The following MYO1E variants were observed in gnomAD, a reference collection of about 807,000 sequenced individuals.
MYO1E encodes unconventional myosin-Ie.
A neutral mutation model predicts 151.1 loss-of-function variants in MYO1E; 68 were observed. That is an observed-to-expected ratio of 0.45 (90% CI 0.37 to 0.55). The LOEUF is 0.55. MYO1E is among the 20% of genes least tolerant of loss of function. The pLI, the probability that MYO1E is intolerant of heterozygous loss-of-function variation, is 0.00. For missense variants in MYO1E, 1,363 were observed against 1,389.3 expected (o/e 0.98, Z 0.30); for synonymous variants, 601 against 501.7 (o/e 1.20, Z -2.64).
At chr15:59,279,560 T>C (rs2080341062) in intron 1 of MYO1E, among the ~76,000 whole-genome samples, 1 of 152,152 alleles carries the variant, frequency 6.6e-6, no homozygotes, top group Non-Finnish European at 1.5e-5. Context: ...AGTCAACCTC[T>C]TGGAGCCTGT....
chr15:59,282,470 T>C (rs564695661), intron 1 of MYO1E, among the ~76,000 whole-genome samples: 2 of 152,076 alleles, frequency 1.3e-5, no homozygotes, highest in Admixed American at 1.3e-4. Flanking sequence ...CCCGTAAGCA[T>C]TACCAAAACG....
At chr15:59,342,239 A>G (rs2080769974) in intron 1 of MYO1E, among the ~76,000 whole-genome samples, 2 of 152,306 alleles carry the variant, frequency 1.3e-5, no homozygotes, top group African/African-American at 4.8e-5. Flanking sequence ...TTTTTCCTAC[A>G]GAGTTATTTG....
At chr15:59,318,754 A>T (rs2080605612) in intron 1 of MYO1E, among the ~76,000 whole-genome samples, 1 of 152,178 alleles carries the variant, frequency 6.6e-6, no homozygotes, top group South Asian at 2.1e-4. Flanking sequence ...TGCACCAATT[A>T]ATTTAATCCT....
At chr15:59,356,284 T>G in intron 1 of MYO1E, among the ~76,000 whole-genome samples, 1 of 151,290 alleles carries the variant, frequency 6.6e-6, no homozygotes, top group Non-Finnish European at 1.5e-5. Flanking sequence ...GTCCTCACCA[T>G]TCCATCTTTC....
At chr15:59,245,318 TTAC>T (rs1464547352) in intron 4 of MYO1E, among the ~76,000 whole-genome samples, 1 of 152,176 alleles carries the variant, frequency 6.6e-6, no homozygotes, top group Non-Finnish European at 1.5e-5. Flanking sequence ...CCTTTTATCT[TTAC>T]TACTGCAAAA....
chr15:59,284,029 G>A (rs955700832), intron 1 of MYO1E, among the ~76,000 whole-genome samples: 1 of 152,204 alleles, frequency 6.6e-6, no homozygotes, highest in Non-Finnish European at 1.5e-5. Flanking sequence ...AGGAGCTCAC[G>A]GAGCAGCCTG....
chr15:59,147,718 G>C (rs1318203410), intron 26 of MYO1E, among the ~76,000 whole-genome samples: 1 of 151,946 alleles, frequency 6.6e-6, no homozygotes, highest in African/African-American at 2.4e-5. Flanking sequence ...CTCATGTCTA[G>C]TGATTATTAC....
intron 1 of MYO1E, among the ~76,000 whole-genome samples, chr15:59,367,885 T>C (rs2080923429): frequency 6.6e-6 from 1 of 152,086 alleles, no homozygotes; most frequent in South Asian, 2.1e-4. Context: ...TTTGGGAGGC[T>C]GAGGCGGGCA....
intron 22 of MYO1E, 151 bp downstream of exon 22, chr15:59,171,746 T>C: frequency 1.9e-6 from 2 of 1,073,914 alleles, no homozygotes; most frequent in Non-Finnish European, 2.8e-6. Flanking sequence ...TAGGGAGTCT[T>C]CCCTTTGGGA....
intron 25 of MYO1E, among the ~76,000 whole-genome samples, chr15:59,157,492 G>T (rs1252507836): frequency 1.3e-5 from 2 of 152,120 alleles, no homozygotes; most frequent in Non-Finnish European, 2.9e-5. Flanking sequence ...TTCCAGGAAT[G>T]AACAATTCCT....
intron 4 of MYO1E, among the ~76,000 whole-genome samples, chr15:59,254,508 G>A (rs1479296569): frequency 6.6e-6 from 1 of 152,134 alleles, no homozygotes; most frequent in Non-Finnish European, 1.5e-5. Flanking sequence ...CTACTGCCAT[G>A]CCCTGCCAGA....
chr15:59,179,460 G>T lies in MYO1E; in HGVS notation c.1905-923C>A, dbSNP rs1003074886. Among the ~76,000 whole-genome samples the T allele has an allele frequency of 2.0e-5, 3 of 152,142 alleles. No homozygotes were observed. In the South Asian group the frequency reaches 6.2e-4, roughly 32 times the overall value. Reference sequence around the variant, plus strand: ...ACATCCAGAGCCTTAAACCGTGCCTGGCACACAGCAGTCATAATGAACATT... The same window carrying T: ...ACATCCAGAGCCTTAAACCGTGCCTTGCACACAGCAGTCATAATGAACATT... On this transcript the variant is annotated intron_variant, in intron 18 of 27. Transcript: ENST00000288235.
chr15:59,208,724 T>C lies in MYO1E; in HGVS notation c.1487A>G (p.Asn496Ser). 1.2e-6 allele frequency: 2 copies of C among 1,614,228 alleles called. No homozygotes were observed. The highest frequency in any genetic ancestry group is 2.2e-5 in the East Asian group (1 of 44,890). ...AATGATGAAGCCTTGGTTCCAACTGTTGAAGTGCTCATGACTCCCAATCTG... is the reference window on the plus strand; with the variant it reads ...AATGATGAAGCCTTGGTTCCAACTGCTGAAGTGCTCATGACTCCCAATCTG... The part of the protein sequence containing the change: ...QMQIGSHEHF[N>S]SWNQGFIIHH... Residue 496 changes from asparagine to serine, a missense_variant, in exon 14 of 28, where the codon AAC (asparagine) becomes AGC (serine). By Grantham distance (46) the Asn-to-Ser change is conservative. Transcript: ENST00000288235.
At chr15:59,371,589 G>T (rs1337410254) in intron 1 of MYO1E, among the ~76,000 whole-genome samples, 1 of 152,118 alleles carries the variant, frequency 6.6e-6, no homozygotes, top group East Asian at 1.9e-4. Context: ...AGTTGGAATA[G>T]CAGAAAAGTC....
At position 59,350,492 on chromosome 15, in the gene MYO1E, T is replaced by C. The variant is rs1293746956; in HGVS notation, c.3+22006A>G. Among the ~76,000 whole-genome samples, 2 of 152,142 alleles carry C rather than the reference T, an allele frequency of 1.3e-5. No homozygotes were observed. Among genetic ancestry groups the C allele is most frequent in the Non-Finnish European group, 2.9e-5 (2 of 68,032 alleles). On this transcript the variant is annotated intron_variant, in intron 1 of 27. Coordinates refer to ENST00000288235, the MANE Select transcript of MYO1E (RefSeq NM_004998.4). This position sits in a 1 kb window ranked among gnomAD's most constrained non-coding sequence, Gnocchi z 5.0. ...AAACCAGAAAAGACACAGGAGAATG[T>C]AGTGTCTGCCCTCAGAGACTACATG... is the stretch of plus-strand genomic sequence containing the variant.
At chr15:59,239,307 A>G (rs1405209114) in intron 4 of MYO1E, among the ~76,000 whole-genome samples, 1 of 151,304 alleles carries the variant, frequency 6.6e-6, no homozygotes, top group African/African-American at 2.4e-5. Flanking sequence ...ACACCTCACA[A>G]TAATCACCAC....
chr15:59,275,002 G>T (rs1238562954), intron 1 of MYO1E, among the ~76,000 whole-genome samples: 1 of 152,198 alleles, frequency 6.6e-6, no homozygotes, highest in African/African-American at 2.4e-5. Flanking sequence ...TTTGTGGAGG[G>T]TGTTCTACTT....
intron 1 of MYO1E, among the ~76,000 whole-genome samples, chr15:59,326,500 C>A (rs961789449): frequency 1.3e-5 from 2 of 152,224 alleles, no homozygotes; most frequent in South Asian, 2.1e-4. Context: ...TCCAGCCTGG[C>A]GACAGAGCAA....
chr15:59,158,526 C>T, intron 24 of MYO1E, 147 bp from the exon 25 acceptor site: 1 of 693,080 alleles, frequency 1.4e-6, no homozygotes, highest in Non-Finnish European at 2.6e-6. Flanking sequence ...GGAGAAGGAG[C>T]CGTTGAGGGA....
Sources: allele counts gnomAD v4.1 joint callset (sites outside exome capture counted in the v4.1 genomes callset), GRCh38; gene constraint gnomAD v4.1.1; non-coding constraint Gnocchi (gnomAD v3.1); transcripts MANE v1.5; gene names NCBI Gene and HGNC (gene_info 2026-07-23, HGNC 2026-07-21).